Variants in OPCML observed in about 807,000 individuals in gnomAD.
The protein encoded by OPCML is opioid-binding protein/cell adhesion molecule.
Under a neutral mutation model 37.8 loss-of-function variants are expected in OPCML, and 13 were observed. The observed-to-expected ratio is 0.34, with a 90% CI of 0.22 to 0.55. The LOEUF (loss-of-function observed/expected upper bound fraction) is 0.55. Ranked by LOEUF, OPCML falls within the 20% of genes least tolerant of loss-of-function variation. OPCML has a pLI of 0.91. For synonymous variants in OPCML, 176 were observed against 168.8 expected (o/e 1.04, Z -0.33); for missense variants, 341 against 435.6 (o/e 0.78, Z 1.93).
intron 3 of OPCML, among the ~76,000 whole-genome samples, chr11:132,536,647 C>T (rs1026435660): frequency 4.6e-5 from 7 of 152,090 alleles, no homozygotes; most frequent in South Asian, 2.1e-4. Flanking sequence ...AAAATAATAC[C>T]GAAAAGACTT....
At chr11:132,456,503 A>G (rs973384581) in intron 4 of OPCML, among the ~76,000 whole-genome samples, 1 of 152,206 alleles carries the variant, frequency 6.6e-6, no homozygotes, top group African/African-American at 2.4e-5. Context: ...GCTCATTTCC[A>G]AGTGCACTGT....
intron 3 of OPCML, among the ~76,000 whole-genome samples, chr11:132,585,758 C>T (rs1227271365): frequency 6.6e-6 from 1 of 152,178 alleles, no homozygotes; most frequent in Non-Finnish European, 1.5e-5. Context: ...TATCAGAAGT[C>T]TGAGGATAGT....
chr11:133,340,382 T>A (rs1943838309), intron 1 of OPCML, among the ~76,000 whole-genome samples: 2 of 152,168 alleles, frequency 1.3e-5, no homozygotes, highest in Admixed American at 1.3e-4. Flanking sequence ...GATGGCAAAG[T>A]GGTAGACTCA....
chr11:133,173,611 G>A lies in OPCML; in HGVS notation c.62-230601C>T, dbSNP rs1025883173. On this transcript the variant is annotated intron_variant, in intron 1 of 7. Transcript: ENST00000524381. The surrounding 1 kb of genome is among the most constrained non-coding windows in gnomAD (Gnocchi z 7.8). ...TCACCTTTCAAATCACCCCCCAGAT[G>A]CCTCTCATTGCAAAAATTAGCAGTA... Among the ~76,000 whole-genome samples, 3 of 152,090 alleles carry A rather than the reference G, an allele frequency of 2.0e-5. No individual in the cohort carries two copies. Among genetic ancestry groups the A allele is most frequent in the Non-Finnish European group, 4.4e-5 (3 of 68,012 alleles).
intron 2 of OPCML, among the ~76,000 whole-genome samples, chr11:132,769,010 T>A (rs10791249): frequency 0.37 from 55,755 of 151,756 alleles, 10,857 homozygotes; most frequent in Non-Finnish European, 0.43. Flanking sequence ...GAGCCTCTCC[T>A]TTCCTGACTG....
chr11:132,872,925 CTT>C (rs142924047), intron 2 of OPCML, among the ~76,000 whole-genome samples: 1 of 147,256 alleles, frequency 6.8e-6, no homozygotes, highest in Non-Finnish European at 1.5e-5. Flanking sequence ...TTCTTTCTTT[CTT>C]TTTTTTTTTC....
At chr11:132,541,995 G>A (rs2096357728) in intron 3 of OPCML, among the ~76,000 whole-genome samples, 1 of 152,178 alleles carries the variant, frequency 6.6e-6, no homozygotes, top group Admixed American at 6.5e-5. Context: ...ACCAAATGAG[G>A]CAATGCAGGG....
chr11:133,151,864 C>T (rs73596437), intron 1 of OPCML, among the ~76,000 whole-genome samples: 7,226 of 152,158 alleles, frequency 0.047, 198 homozygotes, highest in South Asian at 0.099. Flanking sequence ...GACCCCAGGC[C>T]CTCAGAAACC....
At chr11:133,161,985 CTTT>C (rs553617547) in intron 1 of OPCML, among the ~76,000 whole-genome samples, 45 of 85,480 alleles carry the variant, frequency 5.3e-4, no homozygotes, top group Non-Finnish European at 8.3e-4. Flanking sequence ...CAGTCTCTGT[CTTT>C]TTTTTTTTTT....
At chr11:132,731,705 G>A (rs1945081195) in intron 2 of OPCML, among the ~76,000 whole-genome samples, 1 of 152,152 alleles carries the variant, frequency 6.6e-6, no homozygotes. Flanking sequence ...CAGAAAATTA[G>A]ACTGTTAACG....
At chr11:132,827,408 C>T (rs1466070137) in intron 2 of OPCML, among the ~76,000 whole-genome samples, 2 of 152,120 alleles carry the variant, frequency 1.3e-5, no homozygotes, top group Admixed American at 6.5e-5. Flanking sequence ...ATTGACAACA[C>T]CAAATTCTGG....
intron 3 of OPCML, among the ~76,000 whole-genome samples, chr11:132,567,265 T>C (rs1242038690): frequency 1.3e-5 from 2 of 152,212 alleles, no homozygotes; most frequent in East Asian, 3.8e-4. Context: ...GCAACTGAGT[T>C]GCCACGCTCA....
rs1439479945 is a variant in OPCML, at chr11:133,174,728, G to A, written c.62-231718C>T. ...TCTCCTGAAAAATAAATTTATGTTT[G>A]CCTATCTATATTTTCATCTCTCTGA... On this transcript the variant is annotated intron_variant, in intron 1 of 7. Coordinates refer to ENST00000524381, the MANE Select transcript of OPCML (RefSeq NM_001012393.5). This position sits in a 1 kb window ranked among gnomAD's most constrained non-coding sequence, Gnocchi z 4.6. Among the ~76,000 whole-genome samples, 1 of 150,268 alleles carries A rather than the reference G, an allele frequency of 6.7e-6. No individual in the cohort carries two copies. Among genetic ancestry groups the A allele is most frequent in the African/African-American group, 2.5e-5 (1 of 40,620 alleles).
chr11:132,685,464 C>T (rs1943125585), intron 2 of OPCML, among the ~76,000 whole-genome samples: 2 of 152,306 alleles, frequency 1.3e-5, no homozygotes, highest in South Asian at 4.2e-4. Flanking sequence ...GTCACGACAT[C>T]CCAGTCTGGA....
chr11:132,992,718 A>G (rs1946804957), intron 1 of OPCML, among the ~76,000 whole-genome samples: 1 of 152,210 alleles, frequency 6.6e-6, no homozygotes, highest in Non-Finnish European at 1.5e-5. Flanking sequence ...TTATGATTAA[A>G]GGGCAAAAAT....
chr11:132,584,813 G>A (rs949606100), intron 3 of OPCML, among the ~76,000 whole-genome samples: 1 of 152,218 alleles, frequency 6.6e-6, no homozygotes, highest in Non-Finnish European at 1.5e-5. Context: ...CCTTAGAGCT[G>A]AAATAAGTTC....
At chr11:133,149,387 TGTTTTTA>T (rs1231868618) in intron 1 of OPCML, among the ~76,000 whole-genome samples, 3 of 152,226 alleles carry the variant, frequency 2.0e-5, no homozygotes, top group Non-Finnish European at 4.4e-5. Context: ...TCTTTCCTAC[TGTTTTTA>T]GCCTGCCTCT....
At chr11:133,088,525 T>C (rs1403636309) in intron 1 of OPCML, among the ~76,000 whole-genome samples, 1 of 152,198 alleles carries the variant, frequency 6.6e-6, no homozygotes, top group Non-Finnish European at 1.5e-5. Context: ...AATTTTGTCA[T>C]CTGTTTCTTT....
At chr11:132,479,709 C>T (rs959290223) in intron 4 of OPCML, among the ~76,000 whole-genome samples, 9 of 152,156 alleles carry the variant, frequency 5.9e-5, no homozygotes, top group Non-Finnish European at 8.8e-5. Context: ...TCAAGTGGGT[C>T]CCTGACCCCT....
Sources: allele counts gnomAD v4.1 joint callset (sites outside exome capture counted in the v4.1 genomes callset), GRCh38; gene constraint gnomAD v4.1.1; non-coding constraint Gnocchi (gnomAD v3.1); transcripts MANE v1.5; gene names NCBI Gene and HGNC (gene_info 2026-07-23, HGNC 2026-07-21).